Variants in TENM2 observed in about 807,000 individuals in gnomAD.
TENM2 encodes teneurin transmembrane protein 2.
In TENM2, 52 loss-of-function variants were observed where a neutral mutation model predicts 245.2. The ratio of observed to expected loss-of-function variants is 0.21; its 90% CI spans 0.17 to 0.27. The LOEUF is 0.27. Among genes scored for constraint, TENM2 ranks in the 10% least tolerant of loss-of-function variants. The pLI, the probability that TENM2 is intolerant of heterozygous loss-of-function variation, is 1.00. For synonymous variants in TENM2, 1,363 were observed against 1,438.9 expected, an observed-to-expected ratio of 0.95 and a Z score of 1.19; for missense variants, 3,046 against 3,666.8, an observed-to-expected ratio of 0.83 and a Z score of 4.37.
At chr5:167,311,554 G>A (rs1048846018) in intron 1 of TENM2, among the ~76,000 whole-genome samples, 2 of 152,134 alleles carry the variant, frequency 1.3e-5, no homozygotes, top group African/African-American at 4.8e-5. Flanking sequence ...ATATCACACT[G>A]TACTTTCCAT....
At chr5:167,023,054 G>C in the TENM2 span, among the ~76,000 whole-genome samples, 1 of 152,070 alleles carries the variant, frequency 6.6e-6, no homozygotes, top group Non-Finnish European at 1.5e-5. Context: ...TATGGCCTCT[G>C]GGACTTATTA....
chr5:167,193,623 G>C, the TENM2 span, among the ~76,000 whole-genome samples: 57 of 152,074 alleles, frequency 3.7e-4, no homozygotes, highest in African/African-American at 1.3e-3. Flanking sequence ...TGTAGGTGTA[G>C]ATTTAAATTT....
chr5:167,879,386 G>A (rs2151400114), intron 3 of TENM2, among the ~76,000 whole-genome samples: 1 of 152,244 alleles, frequency 6.6e-6, no homozygotes, highest in Middle Eastern at 3.4e-3. Flanking sequence ...CTGAGCTCCA[G>A]CGAGTGGCTC....
chr5:167,062,382 C>G, the TENM2 span, among the ~76,000 whole-genome samples: 1 of 151,556 alleles, frequency 6.6e-6, no homozygotes, highest in African/African-American at 2.4e-5. Flanking sequence ...TGAGTTCAAG[C>G]ATAAAAATCC....
the TENM2 span, among the ~76,000 whole-genome samples, chr5:167,094,549 A>G: frequency 3.9e-5 from 6 of 152,170 alleles, no homozygotes; most frequent in African/African-American, 9.7e-5. Context: ...CTAGGTCACT[A>G]CTTGATGTCT....
At chr5:168,246,292 G>C (rs768139106) in intron 26 of TENM2, among the ~76,000 whole-genome samples, 2 of 151,850 alleles carry the variant, frequency 1.3e-5, no homozygotes, top group East Asian at 3.9e-4. Flanking sequence ...ATCAGGGTAT[G>C]TGTTTCACAC....
chr5:167,340,611 G>C (rs921263976), intron 1 of TENM2, among the ~76,000 whole-genome samples: 5 of 152,082 alleles, frequency 3.3e-5, no homozygotes, highest in Non-Finnish European at 5.9e-5. Context: ...TTAAAGGCCC[G>C]CTCTCCAATA....
chr5:167,005,375 CACA>C, the TENM2 span, among the ~76,000 whole-genome samples: 1 of 152,122 alleles, frequency 6.6e-6, no homozygotes, highest in Non-Finnish European at 1.5e-5. Flanking sequence ...TGAAAATCTG[CACA>C]ACATTCTTTA....
chr5:167,493,825 C>T (rs1262709222), intron 2 of TENM2, among the ~76,000 whole-genome samples: 4 of 151,884 alleles, frequency 2.6e-5, no homozygotes, highest in East Asian at 1.9e-4. Context: ...AGGGAGTTGA[C>T]GTGATGTTGT....
chr5:167,646,970 G>C (rs946528696), intron 2 of TENM2, among the ~76,000 whole-genome samples: 2 of 152,130 alleles, frequency 1.3e-5, no homozygotes, highest in African/African-American at 4.8e-5. Flanking sequence ...TAAATACCCG[G>C]ATAGGTTTTG....
At chr5:168,163,277 C>T (rs963195733) in intron 13 of TENM2, among the ~76,000 whole-genome samples, 3 of 152,182 alleles carry the variant, frequency 2.0e-5, no homozygotes, top group African/African-American at 4.8e-5. Context: ...GGCTCCAAAG[C>T]GTCTTTTCTA....
intron 2 of TENM2, among the ~76,000 whole-genome samples, chr5:167,702,555 T>TATATATATATATATATAC (rs1037802008): frequency 2.1e-5 from 3 of 145,874 alleles, no homozygotes; most frequent in Non-Finnish European, 3.0e-5. Flanking sequence ...TGTGTGTGTA[T>TATATATATATATATATAC]ATATATATAT....
intron 2 of TENM2, among the ~76,000 whole-genome samples, chr5:167,453,357 C>G (rs1765722960): frequency 6.6e-6 from 1 of 152,102 alleles, no homozygotes; most frequent in Admixed American, 6.5e-5. Flanking sequence ...GTCATCTCCT[C>G]TAATTGAAGA....
chr5:166,994,121 CT>C, the TENM2 span, among the ~76,000 whole-genome samples: 2 of 152,170 alleles, frequency 1.3e-5, no homozygotes, highest in African/African-American at 4.8e-5. Flanking sequence ...CCTCTGCACC[CT>C]GATATATCAA....
At chr5:167,500,835 G>C (rs1394978932) in intron 2 of TENM2, among the ~76,000 whole-genome samples, 2 of 152,112 alleles carry the variant, frequency 1.3e-5, no homozygotes, top group Admixed American at 1.3e-4. Flanking sequence ...GTTCCTCAAA[G>C]GGAAATTAGC....
chr5:168,002,367 G>A (rs1581021251), intron 5 of TENM2, among the ~76,000 whole-genome samples: 1 of 152,282 alleles, frequency 6.6e-6, no homozygotes, highest in East Asian at 1.9e-4. Context: ...AATTCTCTCA[G>A]TTTGCTTACT....
chr5:167,985,611 A>G (rs1242932091), intron 4 of TENM2, among the ~76,000 whole-genome samples: 1 of 152,166 alleles, frequency 6.6e-6, no homozygotes, highest in Non-Finnish European at 1.5e-5. Context: ...AGAGGAAGAG[A>G]GAAACAGGAA....
intron 2 of TENM2, among the ~76,000 whole-genome samples, chr5:167,608,007 G>A (rs1460944234): frequency 6.6e-6 from 1 of 151,998 alleles, no homozygotes; most frequent in Non-Finnish European, 1.5e-5. Flanking sequence ...TGAGCCTAGT[G>A]TGTGAAGACC....
At chr5:167,030,986 C>A in the TENM2 span, among the ~76,000 whole-genome samples, 1 of 152,148 alleles carries the variant, frequency 6.6e-6, no homozygotes, top group Non-Finnish European at 1.5e-5. Flanking sequence ...TAAGGAGTTG[C>A]GGAGCATGCC....
Sources: gnomAD v4.1 joint callset for allele counts (sites outside exome capture counted in the v4.1 genomes callset) on GRCh38, gnomAD v4.1.1 for gene constraint, MANE v1.5 for transcripts, NCBI Gene and HGNC (gene_info 2026-07-23, HGNC 2026-07-21) for gene names.